DOCK11: variants seen among roughly 807,000 people sequenced by gnomAD.
The protein encoded by DOCK11 is dedicator of cytokinesis protein 11.
Under a neutral mutation model 169.1 loss-of-function variants are expected in DOCK11, and 70 were observed. The ratio of observed to expected loss-of-function variants is 0.41; its 90% CI spans 0.34 to 0.51. The LOEUF (loss-of-function observed/expected upper bound fraction) is 0.51. DOCK11 is among the 20% of genes least tolerant of loss of function. The pLI is 0.10. For missense variants in DOCK11, 1,166 were observed against 1,538.8 expected, an observed-to-expected ratio of 0.76 and a Z score of 4.05; for synonymous variants, 529 against 541.3, an observed-to-expected ratio of 0.98 and a Z score of 0.32.
intron 35 of DOCK11, among the ~76,000 whole-genome samples, chrX:118,635,740 A>G (rs1003829945): frequency 9.0e-6 from 1 of 111,040 alleles, no homozygotes; most frequent in Admixed American, 9.6e-5. Context: ...GGCGCTGGCC[A>G]CCACGCCCAG....
intron 44 of DOCK11, among the ~76,000 whole-genome samples, chrX:118,662,465 T>C (rs902436491): frequency 2.7e-5 from 3 of 112,575 alleles, no homozygotes; most frequent in African/African-American, 9.7e-5. Context: ...ATAAAAGTTA[T>C]TCATAACTAA....
intron 4 of DOCK11, among the ~76,000 whole-genome samples, chrX:118,544,243 G>T (rs192907275): frequency 9.9e-4 from 110 of 111,492 alleles, no homozygotes; most frequent in Admixed American, 9.2e-3. Flanking sequence ...GCCATCCCTT[G>T]GAAAAAGTGC....
chrX:118,633,206 A>G (rs902658874), intron 35 of DOCK11: 1 of 112,039 alleles, frequency 8.9e-6, no homozygotes, highest in Non-Finnish European at 1.9e-5. Flanking sequence ...GTTAGAAGGA[A>G]TAGCAACCAC....
At chrX:118,566,212 A>G in intron 8 of DOCK11, 30 bp downstream of exon 8, 2 of 1,145,091 alleles carry the variant, frequency 1.7e-6, no homozygotes, top group South Asian at 3.8e-5. Flanking sequence ...TTATTATTGA[A>G]GTAAAGCCCT....
At chrX:118,656,634 C>G (rs1162544907) in intron 44 of DOCK11, among the ~76,000 whole-genome samples, 3 of 112,065 alleles carry the variant, frequency 2.7e-5, no homozygotes, top group Non-Finnish European at 5.6e-5. Flanking sequence ...TCAAGTATGT[C>G]TTCAGAGAAA....
intron 1 of DOCK11, among the ~76,000 whole-genome samples, chrX:118,507,771 A>G (rs1457468486): frequency 8.9e-6 from 1 of 112,065 alleles, no homozygotes; most frequent in Non-Finnish European, 1.9e-5. Flanking sequence ...CATATCACAT[A>G]GTCATCACCC....
chrX:118,619,961 G>A (rs1314976517), intron 31 of DOCK11, among the ~76,000 whole-genome samples: 3 of 109,798 alleles, frequency 2.7e-5, no homozygotes, highest in Non-Finnish European at 5.7e-5. Context: ...GGGACTACAG[G>A]CACACACCGT....
chrX:118,682,089 C>T (rs1177399806), intron 51 of DOCK11, among the ~76,000 whole-genome samples: 3 of 110,820 alleles, frequency 2.7e-5, no homozygotes, highest in Non-Finnish European at 5.7e-5. Flanking sequence ...TATGTGCTTT[C>T]CTTCTTCACC....
Position 118,648,987 on chromosome X carries a change from G to A in DOCK11, c.4441G>A (p.Ala1481Thr). 1 of 1,206,093 alleles carries A rather than the reference G, an allele frequency of 8.3e-7. No homozygotes were observed. The highest frequency in any genetic ancestry group is 1.1e-6 in the Non-Finnish European group (1 of 893,307). ...FFKGRVNMCA[A>T]FCYEVLKCCT... ...CAAAGGAAGAGTAAACATGTGTGCT[G>A]CATTTTGCTATGAGGTTTTAAAGTG... The change falls in exon 41 of 53, where the codon GCA (alanine) becomes ACA (threonine). Residue 1481 changes from alanine to threonine, a missense_variant. Transcript: ENST00000276202.
Position 118,561,590 on chromosome X carries a change from T to C in DOCK11, c.693+73T>C, listed in dbSNP as rs765010838. 4 of 1,035,699 alleles carry C rather than the reference T, an allele frequency of 3.9e-6. No homozygotes were observed. In the East Asian group the frequency reaches 1.3e-4, roughly 35 times the overall value. 85.4% of individuals were successfully genotyped at this position (1,035,699 alleles called of 1,213,427 possible). A position where few individuals can be genotyped will look rare whatever the true frequency, so the allele number is the denominator to read the frequency against. On this transcript the variant is annotated intron_variant, in intron 7 of 52. Transcript: ENST00000276202. The stretch of plus-strand genomic sequence containing the variant: ...TAAACTTTTAAGAACCCCAGATGGT[T>C]GGGTGGGGTGGCTTATGCCTGTAAT...
rs750413095 is a variant in DOCK11, at chrX:118,605,304, C to T, written c.2629C>T (p.Arg877Ter). Residue 877 changes from arginine (R) to a stop codon, truncating the protein, a stop_gained, in exon 24 of 53, where the codon CGA becomes TGA. Transcript: ENST00000276202. LOFTEE classifies it high-confidence loss of function. ...FLPVILMQLF[R>*]VLTNMTHEDD... The stretch of plus-strand genomic sequence containing the variant: ...ACCTGTAATTCTTATGCAACTCTTC[C>T]GAGTTCTCACAAATATGACCCATGA... 1.7e-6 allele frequency: 2 copies of T among 1,202,155 alleles called. No individual in the cohort carries two copies. Among genetic ancestry groups the T allele is most frequent in the Non-Finnish European group, 2.2e-6 (2 of 891,470 alleles).
chrX:118,532,791 A>AG (rs1488759126), intron 1 of DOCK11, among the ~76,000 whole-genome samples: 1 of 107,089 alleles, frequency 9.3e-6, no homozygotes, highest in African/African-American at 3.4e-5. Flanking sequence ...AAAAAAAAAA[A>AG]AAAAAAAGAA....
At chrX:118,659,352 A>G (rs1403248898) in intron 44 of DOCK11, among the ~76,000 whole-genome samples, 2 of 112,168 alleles carry the variant, frequency 1.8e-5, no homozygotes, top group East Asian at 2.8e-4. Flanking sequence ...AGAAACTGAT[A>G]GCAGACTCTC....
chrX:118,624,439 C>A, intron 31 of DOCK11, 100 bp from the exon 32 acceptor site: 1 of 504,432 alleles, frequency 2.0e-6, no homozygotes, highest in Non-Finnish European at 3.4e-6. Context: ...TGGATGTTAG[C>A]CTACTTTTTA....
intron 1 of DOCK11, among the ~76,000 whole-genome samples, chrX:118,508,770 C>A (rs1410091689): frequency 8.9e-6 from 1 of 112,278 alleles, no homozygotes; most frequent in African/African-American, 3.2e-5. Flanking sequence ...GACATGACCA[C>A]TTGCAAGGGA....
intron 45 of DOCK11, 93 bp downstream of exon 45, chrX:118,662,885 G>C: frequency 1.8e-6 from 1 of 563,520 alleles, no homozygotes; most frequent in Non-Finnish European, 2.9e-6. Flanking sequence ...ACCTAATTTT[G>C]AAGGTAACTA....
chrX:118,503,214 C>T (rs2057588447), intron 1 of DOCK11, among the ~76,000 whole-genome samples: 1 of 109,595 alleles, frequency 9.1e-6, no homozygotes, highest in Non-Finnish European at 1.9e-5. Flanking sequence ...TGCGTGCCAC[C>T]ACGCCCCATA....
intron 18 of DOCK11, among the ~76,000 whole-genome samples, chrX:118,589,728 C>G (rs2013925068): frequency 8.9e-6 from 1 of 112,347 alleles, no homozygotes; most frequent in Non-Finnish European, 1.9e-5. Context: ...TAGCTTAATA[C>G]ACATTCAACT....
At chrX:118,561,359 C>A (rs1444176740) in intron 6 of DOCK11, 24 bp from the exon 7 acceptor site, 2 of 1,152,942 alleles carry the variant, frequency 1.7e-6, no homozygotes, top group Non-Finnish European at 2.3e-6. Flanking sequence ...ACAAATGTAT[C>A]ATTGCTGGGT....
Sources: allele counts gnomAD v4.1 joint callset (sites outside exome capture counted in the v4.1 genomes callset), GRCh38; gene constraint gnomAD v4.1.1; transcripts MANE v1.5; gene names NCBI Gene and HGNC (gene_info 2026-07-23, HGNC 2026-07-21).